Variants in CSMD1 observed in about 807,000 individuals in gnomAD.
CSMD1 encodes CUB and Sushi multiple domains 1.
In CSMD1, 213 loss-of-function variants were observed where a neutral mutation model predicts 417.5. The observed-to-expected ratio is 0.51, with a 90% confidence interval of 0.46 to 0.57. The LOEUF (loss-of-function observed/expected upper bound fraction) is 0.57. CSMD1 is among the 20% of genes least tolerant of loss of function. The pLI is 0.00. For synonymous variants in CSMD1, 2,862 were observed against 1,736.8 expected (o/e 1.65, Z -16.11); for missense variants, 6,923 against 4,529.7 (o/e 1.53, Z -15.17).
In CSMD1 at chr8:4,583,256, T is replaced by C. The variant is rs1179115910; in HGVS notation, c.302+54086A>G. Among the ~76,000 whole-genome samples the C allele has an allele frequency of 5.9e-5, 9 of 152,200 alleles. No homozygotes were observed. In the South Asian group the frequency reaches 1.0e-3, roughly 17 times the overall value. On this transcript the variant is annotated intron_variant, in intron 2 of 69. Transcript: ENST00000635120. ...TGGCAGGCAGCTCCACCTGCAGCCG[T>C]GGTGCGGGACCCACCGAGTGAAGCC...
intron 59 of CSMD1, among the ~76,000 whole-genome samples, chr8:2,965,574 C>A (rs888087910): frequency 6.6e-6 from 1 of 152,090 alleles, no homozygotes; most frequent in African/African-American, 2.4e-5. Flanking sequence ...TTTTCCTCTA[C>A]CTCGCTATGA....
At chr8:4,784,917 G>C (rs914897169) in intron 1 of CSMD1, among the ~76,000 whole-genome samples, 1 of 152,152 alleles carries the variant, frequency 6.6e-6, no homozygotes, top group East Asian at 1.9e-4. Flanking sequence ...AGCATTGAAA[G>C]TTTATGTTTG....
chr8:4,635,005 G>T (rs75530593), intron 2 of CSMD1, among the ~76,000 whole-genome samples: 1 of 152,220 alleles, frequency 6.6e-6, no homozygotes, highest in South Asian at 2.1e-4. Context: ...ATGCGGATAG[G>T]AGGAAGAAAT....
chr8:4,115,268 G>A (rs531553971), intron 3 of CSMD1, among the ~76,000 whole-genome samples: 87 of 152,278 alleles, frequency 5.7e-4, no homozygotes, highest in African/African-American at 1.9e-3. Flanking sequence ...ATGACTCACT[G>A]AACGCTTAGA....
chr8:4,092,991 G>A (rs148039520), intron 3 of CSMD1, among the ~76,000 whole-genome samples: 9 of 151,988 alleles, frequency 5.9e-5, no homozygotes, highest in Admixed American at 2.0e-4. Context: ...CATAGTGGGG[G>A]TCAAAGAAAA....
At chr8:4,497,654 G>A (rs1212335899) in intron 2 of CSMD1, among the ~76,000 whole-genome samples, 1 of 152,138 alleles carries the variant, frequency 6.6e-6, no homozygotes, top group Admixed American at 6.6e-5. Context: ...TCGTGCCCCA[G>A]TGAGGAAATT....
At chr8:3,357,224 C>T (rs1808854030) in intron 21 of CSMD1, among the ~76,000 whole-genome samples, 1 of 152,154 alleles carries the variant, frequency 6.6e-6, no homozygotes, top group Admixed American at 6.5e-5. Flanking sequence ...AGGCTAAATA[C>T]AAAAAGGGCC....
intron 10 of CSMD1, among the ~76,000 whole-genome samples, chr8:3,497,867 A>C (rs1421620535): frequency 6.6e-6 from 1 of 151,870 alleles, no homozygotes; most frequent in Non-Finnish European, 1.5e-5. Context: ...CTTCTTTCTC[A>C]TTTATTTGTC....
At chr8:3,141,666 TG>T (rs1490316413) in intron 41 of CSMD1, among the ~76,000 whole-genome samples, 2 of 152,134 alleles carry the variant, frequency 1.3e-5, no homozygotes, top group Admixed American at 1.3e-4. Flanking sequence ...ACCGGTAATC[TG>T]GCCCAACCAG....
At chr8:3,518,558 A>G (rs910018523) in intron 10 of CSMD1, among the ~76,000 whole-genome samples, 10 of 152,222 alleles carry the variant, frequency 6.6e-5, no homozygotes, top group Non-Finnish European at 1.5e-4. Flanking sequence ...TGCAGTATCT[A>G]TGTGAAAGTA....
chr8:4,916,800 A>G (rs1669378469), intron 1 of CSMD1, among the ~76,000 whole-genome samples: 1 of 152,256 alleles, frequency 6.6e-6, no homozygotes, highest in Non-Finnish European at 1.5e-5. Context: ...AGGCTTTACT[A>G]TATTAAAAGT....
At chr8:4,220,693 A>G (rs2128808142) in intron 3 of CSMD1, among the ~76,000 whole-genome samples, 1 of 152,306 alleles carries the variant, frequency 6.6e-6, no homozygotes, top group South Asian at 2.1e-4. Context: ...AAGATCAAGA[A>G]CATTTCCCAG....
At chr8:3,539,722 T>G (rs1413984670) in intron 10 of CSMD1, among the ~76,000 whole-genome samples, 1 of 142,554 alleles carries the variant, frequency 7.0e-6, no homozygotes, top group Non-Finnish European at 1.5e-5. Context: ...TAAAAACATA[T>G]CACACATTGA....
At chr8:4,377,516 G>C (rs563983001) in intron 3 of CSMD1, among the ~76,000 whole-genome samples, 1 of 152,238 alleles carries the variant, frequency 6.6e-6, no homozygotes, top group South Asian at 2.1e-4. Flanking sequence ...ATCACTTTTG[G>C]ACCCAGGAGA....
Position 3,556,415 on chromosome 8 carries a change from T to TATATATATATATATATATACATACATA in CSMD1, c.1344+18529_1344+18530insTATGTATGTATATATATATATATATAT, listed in dbSNP as rs1799148435. 4.6e-3 allele frequency among the ~76,000 whole-genome samples: 264 copies of TATATATATATATATATATACATACATA among 56,990 alleles called. 7 individuals are homozygous for TATATATATATATATATATACATACATA. Among genetic ancestry groups the TATATATATATATATATATACATACATA allele is most frequent in the African/African-American group, 0.016 (248 of 15,976 alleles). The allele number at this position is 56,990 out of a possible 152,430, so 37.4% of individuals were successfully genotyped here. A position where few individuals can be genotyped will look rare whatever the true frequency, so the allele number is the denominator to read the frequency against. ...TTAATATATATATATATATATATAT[T>TATATATATATATATATATACATACATA]CACACACACAAAGAATTTATGAGGG... On this transcript the variant is annotated intron_variant, in intron 10 of 69. Transcript: ENST00000635120.
Position 3,346,766 on chromosome 8 carries a change from T to G in CSMD1, c.3474+1226A>C, listed in dbSNP as rs150492210. 3.3e-3 allele frequency among the ~76,000 whole-genome samples: 498 copies of G among 152,310 alleles called. 1 individual carries two copies. The highest frequency in any genetic ancestry group is 0.011 in the African/African-American group (474 of 41,552). On this transcript the variant is annotated intron_variant, in intron 22 of 69. Transcript: ENST00000635120. ...TTAGTTGGCTTTCTGCATATTCTCT[T>G]AGAAGTCTCATAGTTCAAAGTGAGT... is the stretch of plus-strand genomic sequence containing the variant.
At chr8:4,259,603 T>A (rs944868054) in intron 3 of CSMD1, among the ~76,000 whole-genome samples, 1 of 152,132 alleles carries the variant, frequency 6.6e-6, no homozygotes, top group African/African-American at 2.4e-5. Flanking sequence ...AAAAATAAAC[T>A]TCAAAACTTT....
intron 7 of CSMD1, among the ~76,000 whole-genome samples, chr8:3,685,407 A>T (rs1024322706): frequency 6.6e-6 from 1 of 152,172 alleles, no homozygotes; most frequent in Non-Finnish European, 1.5e-5. Context: ...CTCACTGCAC[A>T]GAATGCCAAT....
At chr8:4,650,744 T>C (rs1803843499) in intron 1 of CSMD1, among the ~76,000 whole-genome samples, 1 of 152,194 alleles carries the variant, frequency 6.6e-6, no homozygotes, top group Non-Finnish European at 1.5e-5. Flanking sequence ...GCAGAAAATA[T>C]GTATTTTGCC....
Sources: allele counts gnomAD v4.1 joint callset (sites outside exome capture counted in the v4.1 genomes callset), GRCh38; gene constraint gnomAD v4.1.1; transcripts MANE v1.5; gene names NCBI Gene and HGNC (gene_info 2026-07-23, HGNC 2026-07-21).